UBA6: variants seen among roughly 807,000 people sequenced by gnomAD.
The protein encoded by UBA6 is ubiquitin-like modifier-activating enzyme 6.
A neutral mutation model predicts 148.3 loss-of-function variants in UBA6; 87 were observed. The ratio of observed to expected loss-of-function variants is 0.59; its 90% CI spans 0.49 to 0.70. The LOEUF (loss-of-function observed/expected upper bound fraction) is 0.70. Among genes scored for constraint, UBA6 ranks in the 30% least tolerant of loss-of-function variants. The pLI, the probability that UBA6 is intolerant of heterozygous loss-of-function variation, is 0.00. For missense variants in UBA6, 1,186 were observed against 1,241.2 expected (o/e 0.96, Z 0.67); for synonymous variants, 376 against 401.0 (o/e 0.94, Z 0.75).
chr4:67,656,361 CA>C (rs1729692510), intron 13 of UBA6, among the ~76,000 whole-genome samples: 1 of 152,198 alleles, frequency 6.6e-6, no homozygotes. Context: ...CCCTGGGATG[CA>C]AGGCTGGTTC....
rs1026632396 is a variant in UBA6, at chr4:67,663,077, T to C, written c.1037+62A>G. 1.4e-4 allele frequency: 178 copies of C among 1,231,896 alleles called. 1 individual carries two copies. The highest frequency in any genetic ancestry group is 3.1e-4 in the African/African-American group (20 of 65,328). 76.3% of individuals were successfully genotyped at this position (1,231,896 alleles called of 1,614,324 possible). Reference sequence around the variant, plus strand: ...AAGGGCATAGTTACTTTTTAAATTATAATTTCTGAACTACTACTTTTATAA... The same window carrying C: ...AAGGGCATAGTTACTTTTTAAATTACAATTTCTGAACTACTACTTTTATAA... On this transcript the variant is annotated intron_variant, in intron 12 of 32. Transcript: ENST00000322244.
intron 2 of UBA6, among the ~76,000 whole-genome samples, chr4:67,694,286 T>G (rs77318579): frequency 8.0e-6 from 1 of 124,886 alleles, no homozygotes; most frequent in South Asian, 2.6e-4. Flanking sequence ...TCAGTCACTA[T>G]AAAAAAAAAA....
intron 13 of UBA6, among the ~76,000 whole-genome samples, chr4:67,661,349 G>A (rs550378361): frequency 1.3e-5 from 2 of 152,298 alleles, no homozygotes; most frequent in East Asian, 1.9e-4. Flanking sequence ...GCAGGACCAC[G>A]TGGAGGTAAT....
At chr4:67,636,539 G>A (rs533027252) in intron 19 of UBA6, among the ~76,000 whole-genome samples, 10 of 152,184 alleles carry the variant, frequency 6.6e-5, no homozygotes, top group African/African-American at 1.2e-4. Flanking sequence ...TTGCAGGCGC[G>A]CACCGCCACG....
At chr4:67,622,767 T>C in intron 32 of UBA6, 64 bp downstream of exon 32, 4 of 1,150,030 alleles carry the variant, frequency 3.5e-6, no homozygotes, top group Non-Finnish European at 5.1e-6. Context: ...TATTTAATTT[T>C]TTAGTGTGCA....
chr4:67,660,781 G>T (rs1729831455), intron 13 of UBA6, among the ~76,000 whole-genome samples: 1 of 152,194 alleles, frequency 6.6e-6, no homozygotes, highest in South Asian at 2.1e-4. Context: ...CTTGGACCAT[G>T]AATCCGGAAA....
intron 4 of UBA6, 141 bp downstream of exon 4, chr4:67,681,422 T>A: frequency 1.8e-6 from 1 of 544,606 alleles, no homozygotes; most frequent in Non-Finnish European, 3.1e-6. Context: ...TCTTTGTATA[T>A]TTTTTAAATT....
At position 67,701,096 on chromosome 4, in the gene UBA6, G is replaced by A. The variant is rs766047688; in HGVS notation, c.24C>T (p.Ala8=). The A allele has an allele frequency of 1.2e-6, 2 of 1,613,714 alleles. No individual in the cohort carries two copies. The highest frequency in any genetic ancestry group is 1.7e-6 in the Non-Finnish European group (2 of 1,179,824). The part of the protein sequence containing the change: MEGSEPV[A]AHQGEEASCS... ...AGGACGCCTCTTCCCCCTGATGGGC[G>A]GCCACAGGCTCGGATCCTTCCATTG... The change falls in exon 1 of 33, where the codon GCC becomes GCT. Residue 8 remains alanine (A), a synonymous_variant. Coordinates refer to ENST00000322244, the MANE Select transcript of UBA6 (RefSeq NM_018227.6).
intron 20 of UBA6, among the ~76,000 whole-genome samples, 195 bp downstream of exon 20, chr4:67,635,258 A>G (rs1729110351): frequency 6.6e-6 from 1 of 152,174 alleles, no homozygotes; most frequent in East Asian, 1.9e-4. Flanking sequence ...ATAATGCTCC[A>G]GAAACACCAG....
chr4:67,692,276 A>G (rs1156753429), intron 2 of UBA6, among the ~76,000 whole-genome samples: 1 of 152,226 alleles, frequency 6.6e-6, no homozygotes, highest in African/African-American at 2.4e-5. Context: ...CACTGAAGAG[A>G]AAGGATATCT....
At chr4:67,691,517 C>T (rs2109958656) in intron 2 of UBA6, among the ~76,000 whole-genome samples, 1 of 152,250 alleles carries the variant, frequency 6.6e-6, no homozygotes, top group Admixed American at 6.5e-5. Context: ...TGAGCAGTTC[C>T]TCTCTCCAGT....
At chr4:67,675,569 A>G (rs561149279) in intron 6 of UBA6, among the ~76,000 whole-genome samples, 1 of 152,172 alleles carries the variant, frequency 6.6e-6, no homozygotes, top group South Asian at 2.1e-4. Context: ...CATCTCTACT[A>G]AAAATATAAA....
intron 13 of UBA6, among the ~76,000 whole-genome samples, chr4:67,659,289 TGTG>T (rs1729779850): frequency 6.6e-6 from 1 of 152,226 alleles, no homozygotes; most frequent in South Asian, 2.1e-4. Flanking sequence ...ATGGTTTGGC[TGTG>T]TCACCACCCA....
chr4:67,678,548 A>G lies in UBA6; in HGVS notation c.259-15T>C, dbSNP rs1398233835. 1 of 1,539,832 alleles carries G rather than the reference A, an allele frequency of 6.5e-7. No homozygotes were observed. The highest frequency in any genetic ancestry group is 8.9e-7 in the Non-Finnish European group (1 of 1,122,750). On this transcript the variant is annotated splice_polypyrimidine_tract_variant and intron_variant, in intron 4 of 32. Coordinates refer to ENST00000322244, the MANE Select transcript of UBA6 (RefSeq NM_018227.6). ...ATTGTAACTGCCTTCAAAAAAGAAA[A>G]AAGTATTGGTTGAAGTCAGGAGTTC...
intron 32 of UBA6, 124 bp from the exon 33 acceptor site, chr4:67,619,256 G>T: frequency 2.9e-6 from 2 of 681,136 alleles, no homozygotes; most frequent in Non-Finnish European, 2.4e-6. Flanking sequence ...ATAATAATCT[G>T]CTTTCACATA....
At chr4:67,634,349 T>G (rs762227549) in intron 21 of UBA6, 27 bp from the exon 22 acceptor site, 2 of 1,543,908 alleles carry the variant, frequency 1.3e-6, no homozygotes, top group African/African-American at 1.4e-5. Flanking sequence ...AAAAAAAAAA[T>G]TACAAATAGA....
intron 13 of UBA6, among the ~76,000 whole-genome samples, chr4:67,651,396 A>G (rs1476335685): frequency 6.6e-6 from 1 of 152,146 alleles, no homozygotes; most frequent in African/African-American, 2.4e-5. Flanking sequence ...TGAATAATCA[A>G]CTCTGAGATA....
At chr4:67,685,956 G>A (rs1284136428) in intron 2 of UBA6, among the ~76,000 whole-genome samples, 1 of 152,102 alleles carries the variant, frequency 6.6e-6, no homozygotes, top group Non-Finnish European at 1.5e-5. Flanking sequence ...TTTGTACCAA[G>A]TAATATGTCA....
chr4:67,649,642 A>C (rs1191849457), intron 13 of UBA6, among the ~76,000 whole-genome samples: 1 of 152,204 alleles, frequency 6.6e-6, no homozygotes, highest in Admixed American at 6.5e-5. Flanking sequence ...TAAAAATGAT[A>C]AGCTATCAGT....
Sources: allele counts gnomAD v4.1 joint callset (sites outside exome capture counted in the v4.1 genomes callset), GRCh38; gene constraint gnomAD v4.1.1; transcripts MANE v1.5; gene names NCBI Gene and HGNC (gene_info 2026-07-23, HGNC 2026-07-21).